AGBL4: variants seen among roughly 807,000 people sequenced by gnomAD.
AGBL4 encodes the protein AGBL carboxypeptidase 4.
A neutral mutation model predicts 66.4 loss-of-function variants in AGBL4; 58 were observed. That is an observed-to-expected ratio of 0.87 (90% confidence interval 0.71 to 1.09). AGBL4 has a LOEUF of 1.09. AGBL4 is among the 50% of genes least tolerant of loss of function. AGBL4 has a pLI of 0.00. For synonymous variants in AGBL4, 234 were observed against 222.9 expected (o/e 1.05, Z -0.44); for missense variants, 579 against 631.0 (o/e 0.92, Z 0.88).
At chr1:48,530,151 G>A (rs1169981453), downstream of AGBL4, among the ~76,000 whole-genome samples, 2 of 152,134 alleles carry the variant, frequency 1.3e-5, no homozygotes, top group Non-Finnish European at 2.9e-5. Flanking sequence ...GTAGTGGAAG[G>A]GGAGCAGTGT....
intron 11 of AGBL4, among the ~76,000 whole-genome samples, chr1:48,582,901 A>G (rs1244144383): frequency 6.6e-6 from 1 of 152,156 alleles, no homozygotes; most frequent in Non-Finnish European, 1.5e-5. Context: ...GAAGAACTGA[A>G]CCAATGGACA....
At chr1:48,674,433 G>T (rs1365964873) in intron 6 of AGBL4, among the ~76,000 whole-genome samples, 1 of 151,726 alleles carries the variant, frequency 6.6e-6, no homozygotes, top group Admixed American at 6.6e-5. Context: ...TAACGTTAAA[G>T]CTGGTGTTCC....
chr1:49,205,493 T>TC (rs1253247702), intron 4 of AGBL4, among the ~76,000 whole-genome samples: 1 of 152,046 alleles, frequency 6.6e-6, no homozygotes, highest in Non-Finnish European at 1.5e-5. Flanking sequence ...GTATAAATAC[T>TC]CCATCCTACC....
chr1:49,897,724 T>A (rs539980293), intron 1 of AGBL4, among the ~76,000 whole-genome samples: 1 of 151,894 alleles, frequency 6.6e-6, no homozygotes, highest in South Asian at 2.1e-4. Context: ...CGATAGTAAC[T>A]CAAACAGCAT....
intron 4 of AGBL4, among the ~76,000 whole-genome samples, chr1:49,209,629 C>A (rs1183141827): frequency 6.6e-6 from 1 of 151,946 alleles, no homozygotes; most frequent in African/African-American, 2.4e-5. Context: ...GGCAGATTGG[C>A]CAGTGGGGAT....
chr1:48,760,435 A>C (rs899560707), intron 6 of AGBL4, among the ~76,000 whole-genome samples: 2 of 152,220 alleles, frequency 1.3e-5, no homozygotes, highest in African/African-American at 4.8e-5. Context: ...CATGACTCTG[A>C]TATTGTGTTA....
chr1:49,040,711 T>C (rs1311662213), intron 5 of AGBL4, among the ~76,000 whole-genome samples: 1 of 152,090 alleles, frequency 6.6e-6, no homozygotes, highest in African/African-American at 2.4e-5. Context: ...TAAGATTCTG[T>C]TTTGAAATGT....
intron 5 of AGBL4, among the ~76,000 whole-genome samples, chr1:48,979,538 C>T (rs1382375709): frequency 6.6e-6 from 1 of 151,798 alleles, no homozygotes; most frequent in Non-Finnish European, 1.5e-5. Context: ...TATATGATAA[C>T]CTATAATAGT....
chr1:49,547,927 C>G (rs773504812), intron 3 of AGBL4, among the ~76,000 whole-genome samples: 5 of 152,042 alleles, frequency 3.3e-5, no homozygotes, highest in Non-Finnish European at 5.9e-5. Context: ...GCGTGCACCA[C>G]CATGCCCGGC....
At chr1:48,970,577 A>G (rs1332192243) in intron 5 of AGBL4, among the ~76,000 whole-genome samples, 1 of 152,198 alleles carries the variant, frequency 6.6e-6, no homozygotes, top group African/African-American at 2.4e-5. Flanking sequence ...AGGCCCCACT[A>G]TGAAAAGCAA....
chr1:49,804,386 C>G (rs1644931131), intron 2 of AGBL4, among the ~76,000 whole-genome samples: 1 of 152,072 alleles, frequency 6.6e-6, no homozygotes, highest in African/African-American at 2.4e-5. Flanking sequence ...GGTTGGACAT[C>G]TCCAGTGTAA....
At chr1:48,852,006 A>T (rs1187935970) in intron 6 of AGBL4, among the ~76,000 whole-genome samples, 1 of 143,176 alleles carries the variant, frequency 7.0e-6, no homozygotes, top group Non-Finnish European at 1.5e-5. Flanking sequence ...GGTATGTGCC[A>T]GATACGTACT....
intron 1 of AGBL4, among the ~76,000 whole-genome samples, chr1:50,008,293 T>A (rs1160489675): frequency 1.3e-5 from 2 of 152,142 alleles, no homozygotes; most frequent in East Asian, 1.9e-4. Context: ...TTAAAATTTT[T>A]AAAAAATAAA....
chr1:49,948,606 GA>G, intron 1 of AGBL4, among the ~76,000 whole-genome samples: 1 of 139,172 alleles, frequency 7.2e-6, no homozygotes, highest in African/African-American at 2.7e-5. Context: ...GAGAGAGAGA[GA>G]TACACTTAGG....
chr1:48,733,192 C>T (rs1158710936), intron 6 of AGBL4, among the ~76,000 whole-genome samples: 1 of 152,086 alleles, frequency 6.6e-6, no homozygotes, highest in African/African-American at 2.4e-5. Context: ...GGTTTCTTTG[C>T]TTTTGTAAGA....
intron 8 of AGBL4, among the ~76,000 whole-genome samples, chr1:48,638,970 A>G (rs1031111809): frequency 6.6e-5 from 10 of 152,176 alleles, no homozygotes; most frequent in Non-Finnish European, 1.3e-4. Flanking sequence ...CAAGTACTCT[A>G]AAGGGCCCAG....
At chr1:49,220,105 A>T (rs1172920255) in intron 4 of AGBL4, among the ~76,000 whole-genome samples, 1 of 152,148 alleles carries the variant, frequency 6.6e-6, no homozygotes, top group African/African-American at 2.4e-5. Flanking sequence ...AATGTCTCAG[A>T]TACATTCTCA....
intron 5 of AGBL4, among the ~76,000 whole-genome samples, chr1:48,918,805 G>A (rs184596852): frequency 3.9e-5 from 6 of 152,300 alleles, no homozygotes; most frequent in Admixed American, 2.0e-4. Context: ...TCACCTGGGC[G>A]TCAGCACAGC....
intron 1 of AGBL4, among the ~76,000 whole-genome samples, chr1:50,001,385 G>A (rs1373510243): frequency 1.3e-5 from 2 of 151,022 alleles, no homozygotes; most frequent in Non-Finnish European, 3.0e-5. Flanking sequence ...TTACATCTCT[G>A]GTGAATTTTT....
Sources: gnomAD v4.1 joint callset for allele counts (sites outside exome capture counted in the v4.1 genomes callset) on GRCh38, gnomAD v4.1.1 for gene constraint, MANE v1.5 for transcripts, NCBI Gene and HGNC (gene_info 2026-07-23, HGNC 2026-07-21) for gene names.